The following SGCD variants were observed in gnomAD, a reference collection of about 807,000 sequenced individuals.
SGCD encodes delta-sarcoglycan.
In SGCD, 18 loss-of-function variants were observed where a neutral mutation model predicts 36.6. The observed-to-expected ratio is 0.49, with a 90% CI of 0.34 to 0.73. The LOEUF is 0.73. Ranked by LOEUF, SGCD falls within the 30% of genes least tolerant of loss-of-function variation. SGCD has a pLI of 0.01. For missense variants in SGCD, 387 were observed against 346.7 expected (o/e 1.12, Z -0.92); for synonymous variants, 133 against 130.6 (o/e 1.02, Z -0.12).
At chr5:156,398,039 G>T (rs1025085028) in intron 3 of SGCD, among the ~76,000 whole-genome samples, 1 of 152,164 alleles carries the variant, frequency 6.6e-6, no homozygotes, top group African/African-American at 2.4e-5. Context: ...TTTGAAAGCT[G>T]TCCCTATGGG....
intron 7 of SGCD, among the ~76,000 whole-genome samples, chr5:156,682,351 A>C (rs1483979534): frequency 1.3e-5 from 2 of 152,252 alleles, no homozygotes; most frequent in Non-Finnish European, 2.9e-5. Context: ...GAATATTTAA[A>C]AATAAGATTC....
chr5:156,744,132 C>T (rs533738887), intron 7 of SGCD, among the ~76,000 whole-genome samples: 1 of 152,340 alleles, frequency 6.6e-6, no homozygotes, highest in South Asian at 2.1e-4. Context: ...ACCAGGGCAA[C>T]ATAGTGAGAC....
chr5:155,895,780 G>C (rs575115449), intron 1 of SGCD, among the ~76,000 whole-genome samples: 2 of 151,996 alleles, frequency 1.3e-5, no homozygotes, highest in African/African-American at 4.8e-5. Flanking sequence ...TTTCCCTTTC[G>C]GCTTTTATAC....
Position 156,025,931 on chromosome 5 carries a change from G to A in SGCD, c.-281-91947G>A, listed in dbSNP as rs540444820. 1.5e-4 allele frequency among the ~76,000 whole-genome samples: 23 copies of A among 152,232 alleles called. 1 individual carries two copies. Among genetic ancestry groups the A allele is most frequent in the African/African-American group, 4.8e-4 (20 of 41,532 alleles). ...TATTTTAAAAGTATAGGAGATGAAA[G>A]TATTATCACTTATGTGAAATAACAG... is the stretch of plus-strand genomic sequence containing the variant. On this transcript the variant is annotated intron_variant, in intron 1 of 9. Coordinates refer to the SGCD transcript ENST00000517913.
chr5:156,642,044 T>C (rs1419837669), intron 6 of SGCD, among the ~76,000 whole-genome samples: 1 of 152,136 alleles, frequency 6.6e-6, no homozygotes, highest in Non-Finnish European at 1.5e-5. Context: ...GTCAGCATGG[T>C]CAGGTTTGGT....
chr5:156,412,761 G>A (rs192607086), intron 3 of SGCD, among the ~76,000 whole-genome samples: 6 of 151,142 alleles, frequency 4.0e-5, no homozygotes, highest in Admixed American at 1.3e-4. Flanking sequence ...ACAAGAGATG[G>A]CAGATTGAAT....
At chr5:156,042,560 T>C (rs890216471) in intron 1 of SGCD, among the ~76,000 whole-genome samples, 3 of 152,080 alleles carry the variant, frequency 2.0e-5, no homozygotes, top group African/African-American at 7.2e-5. Flanking sequence ...TCCTCGAAAA[T>C]TCAGAGGCTA....
chr5:156,223,024 G>GC (rs369192244), intron 3 of SGCD, among the ~76,000 whole-genome samples: 28 of 152,148 alleles, frequency 1.8e-4, no homozygotes, highest in Middle Eastern at 6.8e-3. Flanking sequence ...CTATTGAGAT[G>GC]CATTTTTCTG....
chr5:155,863,023 C>T, the SGCD span, among the ~76,000 whole-genome samples: 1 of 152,198 alleles, frequency 6.6e-6, no homozygotes, highest in African/African-American at 2.4e-5. Flanking sequence ...TGCATTCTAT[C>T]TCTGTTTCAA....
chr5:155,895,290 A>T (rs1323802959), intron 1 of SGCD, among the ~76,000 whole-genome samples: 1 of 152,206 alleles, frequency 6.6e-6, no homozygotes, highest in Non-Finnish European at 1.5e-5. Flanking sequence ...AGATCTGATT[A>T]ATTAAGTGCT....
At chr5:156,038,844 T>C (rs938737103) in intron 1 of SGCD, among the ~76,000 whole-genome samples, 2 of 152,144 alleles carry the variant, frequency 1.3e-5, no homozygotes, top group African/African-American at 2.4e-5. Flanking sequence ...CTGTTTTAAT[T>C]TTTTTCCTGT....
rs947210172 is a variant in SGCD, at chr5:156,765,828, C to A, written c.*6438C>A. On this transcript the variant is annotated 3_prime_UTR_variant, in exon 9 of 9. Transcript: ENST00000337851. Reference sequence around the variant, plus strand: ...TAATTTTCAAGTTGTTGGGACATGTCCCCTACTAGGTTTTAAACTAGATCT... The same window carrying A: ...TAATTTTCAAGTTGTTGGGACATGTACCCTACTAGGTTTTAAACTAGATCT... 5 of 152,086 alleles carry A rather than the reference C, an allele frequency of 3.3e-5. No homozygotes were observed. The highest frequency in any genetic ancestry group is 4.4e-5 in the Non-Finnish European group (3 of 68,012). 9.4% of individuals were successfully genotyped at this position (152,086 alleles called of 1,614,324 possible). A position where few individuals can be genotyped will look rare whatever the true frequency, so the allele number is the denominator to read the frequency against.
intron 7 of SGCD, among the ~76,000 whole-genome samples, chr5:156,719,631 G>T (rs1384523427): frequency 6.6e-6 from 1 of 152,010 alleles, no homozygotes; most frequent in African/African-American, 2.4e-5. Flanking sequence ...GTGGTGGATG[G>T]TGTTGCACTA....
chr5:156,612,578 T>C (rs143524365), intron 6 of SGCD, among the ~76,000 whole-genome samples: 24 of 152,368 alleles, frequency 1.6e-4, no homozygotes, highest in African/African-American at 3.6e-4. Flanking sequence ...TTCCCCACTA[T>C]GCAGGTCTGC....
chr5:156,108,142 C>T (rs1180990565), intron 1 of SGCD, among the ~76,000 whole-genome samples: 4 of 152,080 alleles, frequency 2.6e-5, no homozygotes, highest in African/African-American at 7.2e-5. Context: ...GTCCTTGGCA[C>T]TACCAATTTT....
chr5:156,292,306 C>A (rs1300818700), intron 3 of SGCD, among the ~76,000 whole-genome samples: 2 of 152,098 alleles, frequency 1.3e-5, no homozygotes, highest in African/African-American at 4.8e-5. Context: ...CCCTGGCAAC[C>A]ATCATTCTAC....
At chr5:156,106,349 A>G (rs910522252) in intron 1 of SGCD, among the ~76,000 whole-genome samples, 1 of 152,128 alleles carries the variant, frequency 6.6e-6, no homozygotes, top group Non-Finnish European at 1.5e-5. Flanking sequence ...AAGGAAAAAC[A>G]GGACTACAGG....
intron 1 of SGCD, among the ~76,000 whole-genome samples, chr5:156,030,443 G>T (rs1324954587): frequency 6.6e-6 from 1 of 152,156 alleles, no homozygotes; most frequent in African/African-American, 2.4e-5. Flanking sequence ...ACAAGCCAAG[G>T]AACAGCAAGG....
At chr5:156,122,277 C>T (rs575834607) in intron 2 of SGCD, among the ~76,000 whole-genome samples, 1 of 152,138 alleles carries the variant, frequency 6.6e-6, no homozygotes, top group Non-Finnish European at 1.5e-5. Context: ...GCTGGAGACA[C>T]AGCAGAATAC....
Sources: allele counts gnomAD v4.1 joint callset (sites outside exome capture counted in the v4.1 genomes callset), GRCh38; gene constraint gnomAD v4.1.1; transcripts MANE v1.5; gene names NCBI Gene and HGNC (gene_info 2026-07-23, HGNC 2026-07-21).